The following RANBP17 variants were observed in gnomAD, a reference collection of about 807,000 sequenced individuals.
The protein encoded by RANBP17 is ran-binding protein 17.
A neutral mutation model predicts 141.2 loss-of-function variants in RANBP17; 158 were observed. The ratio of observed to expected loss-of-function variants is 1.12; its 90% CI spans 0.98 to 1.28. RANBP17 has a LOEUF of 1.28. Among genes scored for constraint, RANBP17 ranks in the 50% most tolerant of loss-of-function variants. The pLI is 0.00. For synonymous variants in RANBP17, 430 were observed against 450.0 expected (o/e 0.96, Z 0.56); for missense variants, 1,438 against 1,290.7 (o/e 1.11, Z -1.75).
At chr5:171,226,644 A>C (rs1561781151) in intron 22 of RANBP17, among the ~76,000 whole-genome samples, 1 of 152,154 alleles carries the variant, frequency 6.6e-6, no homozygotes, top group Admixed American at 6.5e-5. Context: ...GAGGCCTGTG[A>C]AAGTGCCACA....
intron 14 of RANBP17, among the ~76,000 whole-genome samples, chr5:170,980,417 A>G (rs1777680370): frequency 6.6e-6 from 1 of 152,134 alleles, no homozygotes; most frequent in African/African-American, 2.4e-5. Context: ...CCTTTGTGGG[A>G]GCCCCTCCCA....
chr5:171,227,305 A>T (rs1483133879), intron 22 of RANBP17, among the ~76,000 whole-genome samples: 1 of 152,260 alleles, frequency 6.6e-6, no homozygotes, highest in Non-Finnish European at 1.5e-5. Flanking sequence ...ATGATAAAAA[A>T]GTGAAACAAC....
At chr5:171,185,793 T>G (rs756841355) in intron 18 of RANBP17, among the ~76,000 whole-genome samples, 1 of 152,224 alleles carries the variant, frequency 6.6e-6, no homozygotes, top group South Asian at 2.1e-4. Flanking sequence ...AATGTTGATA[T>G]TATGACCTCC....
intron 12 of RANBP17, among the ~76,000 whole-genome samples, chr5:170,939,400 T>C (rs922891568): frequency 1.4e-5 from 2 of 146,430 alleles, no homozygotes; most frequent in Non-Finnish European, 1.5e-5. Flanking sequence ...TATTTATTTA[T>C]TTAAGATGCA....
At chr5:171,021,977 T>A (rs527686872) in intron 14 of RANBP17, among the ~76,000 whole-genome samples, 133 of 152,256 alleles carry the variant, frequency 8.7e-4, no homozygotes, top group African/African-American at 3.0e-3. Context: ...GTTGTTGTTG[T>A]TGATGCTCCT....
rs542110495 is a variant in RANBP17 at position 171,093,715 on chromosome 5, T to C, written c.1711-76415T>C. ...GCAAAGTAATCAGATTAAGTATGTA[T>C]GTATCACACACTTTTTCACTTATAG... On this transcript the variant is annotated intron_variant, in intron 14 of 27. Coordinates refer to ENST00000523189, the MANE Select transcript of RANBP17 (RefSeq NM_022897.5). 1.1e-4 allele frequency among the ~76,000 whole-genome samples: 16 copies of C among 152,358 alleles called. No homozygotes were observed. The East Asian group carries it at 2.5e-3, about 24-fold the overall frequency.
At chr5:171,234,308 T>C (rs530538132) in intron 22 of RANBP17, among the ~76,000 whole-genome samples, 2 of 152,190 alleles carry the variant, frequency 1.3e-5, no homozygotes, top group African/African-American at 2.4e-5. Flanking sequence ...CTGAAGCAGA[T>C]TGAACAAAAG....
intron 22 of RANBP17, among the ~76,000 whole-genome samples, chr5:171,231,021 C>T (rs970951925): frequency 1.3e-5 from 2 of 150,922 alleles, no homozygotes; most frequent in African/African-American, 4.9e-5. Context: ...ACTGAACCCT[C>T]GAAGTCCTGG....
Position 170,867,726 on chromosome 5 carries a change from A to G in RANBP17, c.18+5675A>G, listed in dbSNP as rs1052623686. ...AACATTTATTTCCTGAAACAAAAAC[A>G]TTTATTCTCTTTTTTCAGCTTTACT... On this transcript the variant is annotated intron_variant, in intron 1 of 27. Transcript: ENST00000523189. Among the ~76,000 whole-genome samples, 83 of 152,236 alleles carry G rather than the reference A, an allele frequency of 5.5e-4. 2 individuals carry two copies. Among genetic ancestry groups the G allele is most frequent in the Non-Finnish European group, 1.5e-5 (1 of 68,044 alleles).
intron 13 of RANBP17, among the ~76,000 whole-genome samples, chr5:170,954,511 TACACAC>T (rs71787034): frequency 2.5e-3 from 318 of 125,722 alleles, no homozygotes; most frequent in African/African-American, 8.3e-3. Context: ...TGGTATATTT[TACACAC>T]ACACACACAC....
At chr5:171,121,192 G>A (rs769570376) in intron 14 of RANBP17, among the ~76,000 whole-genome samples, 22 of 152,364 alleles carry the variant, frequency 1.4e-4, no homozygotes, top group Admixed American at 8.5e-4. Context: ...CCAGGAGCAT[G>A]TGTACGCAGT....
At chr5:171,090,275 G>C (rs1022386607) in intron 14 of RANBP17, among the ~76,000 whole-genome samples, 2 of 152,178 alleles carry the variant, frequency 1.3e-5, no homozygotes, top group African/African-American at 4.8e-5. Flanking sequence ...CTGGAGCAAA[G>C]GTGACTCTTG....
At chr5:171,097,654 T>C (rs1443823607) in intron 14 of RANBP17, among the ~76,000 whole-genome samples, 2 of 146,850 alleles carry the variant, frequency 1.4e-5, no homozygotes, top group Non-Finnish European at 3.0e-5. Flanking sequence ...ATTATTATTA[T>C]ACTTTAAGTT....
chr5:170,913,423 C>T (rs1561883571), intron 7 of RANBP17, among the ~76,000 whole-genome samples: 1 of 151,874 alleles, frequency 6.6e-6, no homozygotes, highest in Non-Finnish European at 1.5e-5. Context: ...GCCAGTCTCT[C>T]AGAGCATTTG....
intron 14 of RANBP17, among the ~76,000 whole-genome samples, chr5:171,018,968 G>A (rs997204485): frequency 6.6e-6 from 1 of 152,232 alleles, no homozygotes; most frequent in African/African-American, 2.4e-5. Flanking sequence ...TAACATGAAG[G>A]GATGTTGAAT....
intron 14 of RANBP17, among the ~76,000 whole-genome samples, chr5:171,011,321 C>A (rs560428226): frequency 2.7e-4 from 41 of 151,940 alleles, no homozygotes; most frequent in African/African-American, 9.9e-4. Flanking sequence ...CAGAAATGAC[C>A]AGGTATCATA....
chr5:171,053,925 A>ATATATATT lies in RANBP17; in HGVS notation c.1710+85548_1710+85549insTATATATT, dbSNP rs1491125081. Reference sequence around the variant, plus strand: ...TATATATATATATATATATATATATAATTGCTGTATTTGATGCATATATGC... The same window carrying ATATATATT: ...TATATATATATATATATATATATATATATATATTATTGCTGTATTTGATGCATATATGC... On this transcript the variant is annotated intron_variant, in intron 14 of 27. Coordinates refer to ENST00000523189, the MANE Select transcript of RANBP17 (RefSeq NM_022897.5). Among the ~76,000 whole-genome samples, 135 of 32,406 alleles carry ATATATATT rather than the reference A, an allele frequency of 4.2e-3. 23 individuals carry two copies. The highest frequency in any genetic ancestry group is 6.0e-3 in the Admixed American group (14 of 2,328). 21.3% of individuals were successfully genotyped at this position (32,406 alleles called of 152,430 possible). A position where few individuals can be genotyped will look rare whatever the true frequency, so the allele number is the denominator to read the frequency against.
At chr5:171,160,133 G>A (rs1013833941) in intron 14 of RANBP17, among the ~76,000 whole-genome samples, 6 of 152,114 alleles carry the variant, frequency 3.9e-5, no homozygotes, top group Non-Finnish European at 8.8e-5. Context: ...TATAGGTGAT[G>A]CAGATAAGTT....
chr5:171,017,449 G>C (rs1050228270), intron 14 of RANBP17, among the ~76,000 whole-genome samples: 1 of 151,988 alleles, frequency 6.6e-6, no homozygotes, highest in Non-Finnish European at 1.5e-5. Flanking sequence ...CACCATTCTG[G>C]CTGGTGTGTT....
Sources: gnomAD v4.1 joint callset for allele counts (sites outside exome capture counted in the v4.1 genomes callset) on GRCh38, gnomAD v4.1.1 for gene constraint, MANE v1.5 for transcripts, NCBI Gene and HGNC (gene_info 2026-07-23, HGNC 2026-07-21) for gene names.